Variants in LIG1 observed in about 807,000 individuals in gnomAD.
LIG1 encodes DNA ligase 1.
In LIG1, 70 loss-of-function variants were observed where a neutral mutation model predicts 115.7. That is an observed-to-expected ratio of 0.60 (90% confidence interval 0.50 to 0.74). The LOEUF (loss-of-function observed/expected upper bound fraction) is 0.74. LIG1 is among the 30% of genes least tolerant of loss of function. The pLI, the probability that LIG1 is intolerant of heterozygous loss-of-function variation, is 0.00. For missense variants in LIG1, 1,115 were observed against 1,225.6 expected, an observed-to-expected ratio of 0.91 and a Z score of 1.35; for synonymous variants, 487 against 495.3, an observed-to-expected ratio of 0.98 and a Z score of 0.22.
Position 48,128,144 on chromosome 19 carries a change from G to A in LIG1, c.1822-124C>T. On this transcript the variant is annotated intron_variant, in intron 19 of 27. Transcript: ENST00000263274. The stretch of plus-strand genomic sequence containing the variant: ...TCAAGATGCACTAACAAAGAGGCAG[G>A]TGCACACAGATGCTTTTCTTTTATT... 4 of 765,774 alleles carry A rather than the reference G, an allele frequency of 5.2e-6. No individual in the cohort carries two copies. The South Asian group carries it at 5.6e-5, about 11-fold the overall frequency. The allele number at this position is 765,774 out of a possible 1,614,324, so 47.4% of individuals were successfully genotyped here. A position where few individuals can be genotyped will look rare whatever the true frequency, so the allele number is the denominator to read the frequency against.
At chr19:48,117,577 GCTCT>G (rs764139394) in intron 26 of LIG1, 57 bp downstream of exon 26, 349 of 1,578,930 alleles carry the variant, frequency 2.2e-4, no homozygotes, top group Middle Eastern at 2.2e-4. Context: ...TCCCTACTCT[GCTCT>G]CTGTGTGCCC....
rs1194616873 is a variant in LIG1 at position 48,122,162 on chromosome 19, C to G, written c.2232+772G>C. On this transcript the variant is annotated intron_variant, in intron 23 of 27. Transcript: ENST00000263274. The surrounding 1 kb of genome is among the most constrained non-coding windows in gnomAD (Gnocchi z 4.3). The stretch of plus-strand genomic sequence containing the variant: ...CGCTCCAGTCCCCTTGTCCACCCCT[C>G]ACTGCCCCTCTCCACTCAAACATCC... 6.5e-6 allele frequency: 1 copy of G among 154,674 alleles called. No individual in the cohort carries two copies. Among genetic ancestry groups the G allele is most frequent in the Middle Eastern group, 3.4e-3 (1 of 298 alleles). 9.6% of individuals were successfully genotyped at this position (154,674 alleles called of 1,614,324 possible).
rs954923656 is a variant in LIG1, at chr19:48,165,650, G to A, written c.-57-27C>T. On this transcript the variant is annotated intron_variant, in intron 1 of 27. Transcript: ENST00000263274. ...TGGAACAGAAATCCAAACACTTGTT[G>A]AGGTGATTGGTTGTGCAGAGATCTA... 20 of 1,560,732 alleles carry A rather than the reference G, an allele frequency of 1.3e-5. No individual in the cohort carries two copies. In the African/African-American group the frequency reaches 1.4e-4, roughly 11 times the overall value.
chr19:48,155,660 T>C (rs914366900), intron 5 of LIG1, among the ~76,000 whole-genome samples: 3 of 152,188 alleles, frequency 2.0e-5, no homozygotes, highest in Admixed American at 2.0e-4. Flanking sequence ...AGGTTGAACT[T>C]GGTTTGAAGA....
At chr19:48,165,255 A>G (rs956190549) in intron 2 of LIG1, among the ~76,000 whole-genome samples, 1 of 151,570 alleles carries the variant, frequency 6.6e-6, no homozygotes. Context: ...CAAGACTCCA[A>G]CTCAAAAAAA....
chr19:48,116,529 G>A lies in LIG1; in HGVS notation c.2584-564C>T, dbSNP rs116094710. 3.3e-3 allele frequency among the ~76,000 whole-genome samples: 504 copies of A among 151,654 alleles called. 3 individuals are homozygous for A. Among genetic ancestry groups the A allele is most frequent in the African/African-American group, 0.011 (473 of 41,312 alleles). The stretch of plus-strand genomic sequence containing the variant: ...TCGGGCTGAGAGGCTGAACTACGGC[G>A]CCAGGGTATGGGTTCTAGAATCTGA... On this transcript the variant is annotated intron_variant, in intron 26 of 27. Coordinates refer to ENST00000263274, the MANE Select transcript of LIG1 (RefSeq NM_000234.3).
chr19:48,127,883 G>A lies in LIG1; in HGVS notation c.1932+27C>T, dbSNP rs1161016742. 5 of 1,553,932 alleles carry A rather than the reference G, an allele frequency of 3.2e-6. No individual in the cohort carries two copies. The East Asian group carries it at 9.0e-5, about 28-fold the overall frequency. ...GGAAGATGAGGAAGTACGGGGCCTT[G>A]GCAGGCAGTGGAGCGGGTGATGCTA... is the stretch of plus-strand genomic sequence containing the variant. On this transcript the variant is annotated intron_variant, in intron 20 of 27. Coordinates refer to ENST00000263274, the MANE Select transcript of LIG1 (RefSeq NM_000234.3).
intron 7 of LIG1, among the ~76,000 whole-genome samples, 186 bp from the exon 8 acceptor site, chr19:48,150,396 C>T (rs274894): frequency 6.6e-5 from 10 of 152,208 alleles, no homozygotes; most frequent in Non-Finnish European, 1.2e-4. Flanking sequence ...TGCTAACTAG[C>T]GGAATTCTAG....
rs774814943 is a variant in LIG1, at chr19:48,115,900, C to T, written c.2649G>A (p.Gln883=). 2 of 1,614,018 alleles carry T rather than the reference C, an allele frequency of 1.2e-6. No individual in the cohort carries two copies. Among genetic ancestry groups the T allele is most frequent in the Non-Finnish European group, 8.5e-7 (1 of 1,180,004 alleles). Reference sequence around the variant, plus strand: ...GAGCACTGGTGGTGGCCTGCTCCGGCTGCTTGTCTTCACGGACTCGAATAA... The same window carrying T: ...GAGCACTGGTGGTGGCCTGCTCCGGTTGCTTGTCTTCACGGACTCGAATAA... The part of the protein sequence containing the change: ...PRFIRVREDK[Q]PEQATTSAQV... Residue 883 remains glutamine, a synonymous_variant, in exon 27 of 28, where the codon CAG becomes CAA. Transcript: ENST00000263274.
At chr19:48,162,165 G>T in intron 3 of LIG1, 97 bp downstream of exon 3, 1 of 1,206,954 alleles carries the variant, frequency 8.3e-7, no homozygotes, top group Non-Finnish European at 1.2e-6. Flanking sequence ...AGTTTTTTGG[G>T]CCCCAAGACA....
chr19:48,123,113 G>A, intron 22 of LIG1, 61 bp downstream of exon 22: 4 of 1,612,706 alleles, frequency 2.5e-6, no homozygotes, highest in Non-Finnish European at 3.4e-6. Flanking sequence ...CTGGGGACAG[G>A]CTGGGAGGCC....
intron 19 of LIG1, among the ~76,000 whole-genome samples, chr19:48,130,404 C>A (rs73570094): frequency 6.6e-6 from 1 of 152,214 alleles, no homozygotes; most frequent in Non-Finnish European, 1.5e-5. Context: ...CGAACAGGCA[C>A]GAGACCCCTA....
intron 21 of LIG1, chr19:48,123,742 C>T (rs1021386383): frequency 7.2e-6 from 2 of 278,174 alleles, no homozygotes; most frequent in Non-Finnish European, 1.4e-5. Flanking sequence ...GTCGGCCTCC[C>T]GAGTAGCTGG....
rs763704726 is a variant in LIG1, at chr19:48,123,407, C to T, written c.2005-89G>A. On this transcript the variant is annotated intron_variant, in intron 21 of 27. Transcript: ENST00000263274. Reference sequence around the variant, plus strand: ...AAATGTGAGGCGAACAGGACATGTGCGGGTCACAACTAGTGACAGGGTTCG... The same window carrying T: ...AAATGTGAGGCGAACAGGACATGTGTGGGTCACAACTAGTGACAGGGTTCG... 429 of 1,450,710 alleles carry T rather than the reference C, an allele frequency of 3.0e-4. 1 individual carries two copies. Among genetic ancestry groups the T allele is most frequent in the Non-Finnish European group, 3.9e-4 (406 of 1,054,504 alleles). The allele number at this position is 1,450,710 out of a possible 1,614,324, so 89.9% of individuals were successfully genotyped here.
At chr19:48,125,404 C>A (rs1390620095) in intron 21 of LIG1, among the ~76,000 whole-genome samples, 1 of 152,170 alleles carries the variant, frequency 6.6e-6, no homozygotes, top group African/African-American at 2.4e-5. Flanking sequence ...AAACATCAGT[C>A]TGCATCATGA....
In LIG1 at chr19:48,123,180, C is replaced by T. The variant is rs868452926; in HGVS notation, c.2143G>A (p.Val715Met). The T allele has an allele frequency of 5.0e-6, 8 of 1,614,122 alleles. No individual in the cohort carries two copies. In the Middle Eastern group the frequency reaches 6.6e-4, roughly 133 times the overall value. Residue 715 changes from valine to methionine, a missense_variant, in exon 22 of 28, where the codon GTG becomes ATG. Val to Met is a conservative substitution (Grantham distance 21). Coordinates refer to ENST00000263274, the MANE Select transcript of LIG1 (RefSeq NM_000234.3). ...GAAAAGTGAGCACCCTCACCTTTCACTGACTGCTCCAGGAACTCGGCGATC... is the reference window on the plus strand; with the variant it reads ...GAAAAGTGAGCACCCTCACCTTTCATTGACTGCTCCAGGAACTCGGCGATC... The part of the protein sequence containing the change: ...EQIAEFLEQS[V>M]KDSCEGLMVK...
At chr19:48,116,717 C>A (rs758702706) in intron 26 of LIG1, among the ~76,000 whole-genome samples, 1 of 152,208 alleles carries the variant, frequency 6.6e-6, no homozygotes, top group African/African-American at 2.4e-5. Context: ...ATGAGTGACA[C>A]GCTGATGACC....
intron 6 of LIG1, 75 bp from the exon 7 acceptor site, chr19:48,151,414 G>C: frequency 1.1e-6 from 1 of 909,138 alleles, no homozygotes; most frequent in Non-Finnish European, 1.9e-6. Context: ...TCTGGAGACA[G>C]TCTGCCCTCA....
At chr19:48,160,910 A>AT (rs955977469) in intron 4 of LIG1, among the ~76,000 whole-genome samples, 2 of 151,542 alleles carry the variant, frequency 1.3e-5, no homozygotes, top group African/African-American at 2.4e-5. Context: ...TTTTTAAAAC[A>AT]TTTTTTTGTA....
Sources: gnomAD v4.1 joint callset for allele counts (sites outside exome capture counted in the v4.1 genomes callset) on GRCh38, gnomAD v4.1.1 for gene constraint, Gnocchi (gnomAD v3.1) non-coding constraint, MANE v1.5 for transcripts, NCBI Gene and HGNC (gene_info 2026-07-23, HGNC 2026-07-21) for gene names.